The following ELMO1 variants were observed in gnomAD, a reference collection of about 807,000 sequenced individuals.
ELMO1 encodes the protein engulfment and cell motility 1, also known as engulfment and cell motility protein 1.
Under a neutral mutation model 98.9 loss-of-function variants are expected in ELMO1, and 26 were observed. The ratio of observed to expected loss-of-function variants is 0.26; its 90% CI spans 0.19 to 0.36. ELMO1 has a LOEUF of 0.36. Among genes scored for constraint, ELMO1 ranks in the 10% least tolerant of loss-of-function variants. The pLI is 1.00. For synonymous variants in ELMO1, 346 were observed against 346.0 expected (o/e 1.00, Z 0.00); for missense variants, 627 against 935.2 (o/e 0.67, Z 4.30).
At chr7:37,000,867 G>A (rs1792617897) in intron 16 of ELMO1, among the ~76,000 whole-genome samples, 1 of 151,320 alleles carries the variant, frequency 6.6e-6, no homozygotes, top group Non-Finnish European at 1.5e-5. Context: ...CAGGCTTAAG[G>A]GCAATATAAT....
chr7:37,369,077 T>C (rs1420995822), intron 1 of ELMO1, among the ~76,000 whole-genome samples: 1 of 152,182 alleles, frequency 6.6e-6, no homozygotes, highest in Non-Finnish European at 1.5e-5. Flanking sequence ...AATAAACGGA[T>C]AAACATATAA....
At chr7:37,143,355 C>A (rs1393144016) in intron 13 of ELMO1, among the ~76,000 whole-genome samples, 1 of 152,202 alleles carries the variant, frequency 6.6e-6, no homozygotes, top group Non-Finnish European at 1.5e-5. Context: ...AATGCAGGTT[C>A]TCCTCAATCA....
chr7:37,359,007 G>T lies in ELMO1; in HGVS notation c.-73-16244C>A, dbSNP rs759497377. On this transcript the variant is annotated intron_variant, in intron 1 of 21. Transcript: ENST00000310758. ...ACAGGGAGAAGCTGGAGTCATTGAC[G>T]AACCAGGATTATGGCTTCTATAACA... is the stretch of plus-strand genomic sequence containing the variant. Among the ~76,000 whole-genome samples the T allele has an allele frequency of 2.0e-5, 3 of 152,168 alleles. No individual in the cohort carries two copies. The East Asian group carries it at 5.8e-4, about 29-fold the overall frequency.
intron 2 of ELMO1, among the ~76,000 whole-genome samples, chr7:37,324,153 G>A (rs554886911): frequency 1.8e-4 from 27 of 152,256 alleles, no homozygotes; most frequent in South Asian, 6.2e-4. Context: ...CCCTGGCTGC[G>A]CAGCCACCTG....
chr7:37,062,732 T>G (rs1796732491), intron 15 of ELMO1, among the ~76,000 whole-genome samples: 1 of 152,126 alleles, frequency 6.6e-6, no homozygotes, highest in Non-Finnish European at 1.5e-5. Flanking sequence ...CCTGGTAAAT[T>G]AAGTTATGAA....
chr7:37,229,872 T>A (rs1419319302), intron 8 of ELMO1, among the ~76,000 whole-genome samples: 1 of 152,156 alleles, frequency 6.6e-6, no homozygotes, highest in African/African-American at 2.4e-5. Flanking sequence ...CCACCAAGAC[T>A]GTCAGTCTTT....
intron 15 of ELMO1, among the ~76,000 whole-genome samples, chr7:37,072,909 G>C (rs1394855290): frequency 1.3e-5 from 2 of 152,182 alleles, no homozygotes; most frequent in African/African-American, 4.8e-5. Context: ...GAACTCTCAA[G>C]TTGACAAAGA....
intron 13 of ELMO1, among the ~76,000 whole-genome samples, chr7:37,137,094 G>A (rs1056839892): frequency 1.3e-5 from 2 of 152,122 alleles, no homozygotes; most frequent in Admixed American, 1.3e-4. Context: ...CCATGCAAAT[G>A]GACAACAAAA....
chr7:37,216,990 C>A (rs74427787), intron 10 of ELMO1, among the ~76,000 whole-genome samples: 26 of 152,288 alleles, frequency 1.7e-4, no homozygotes, highest in African/African-American at 6.0e-4. Flanking sequence ...ATCAGGCACT[C>A]CAAACAAAGC....
intron 1 of ELMO1, among the ~76,000 whole-genome samples, chr7:37,345,819 C>A (rs1354387245): frequency 6.6e-6 from 1 of 151,868 alleles, no homozygotes; most frequent in East Asian, 1.9e-4. Context: ...GAAACCCCAT[C>A]TCTACTAAAA....
rs73690160 is a variant in ELMO1 at position 37,230,521 on chromosome 7, A to G, written c.549+2574T>C. ...TGACCTCATTCAACCTCGGCAAGCC[A>G]CTGCATCCCTGCCTCCTAACCAGAA... is the stretch of plus-strand genomic sequence containing the variant. On this transcript the variant is annotated intron_variant, in intron 8 of 21. Transcript: ENST00000310758. Among the ~76,000 whole-genome samples, 541 of 152,348 alleles carry G rather than the reference A, an allele frequency of 3.6e-3. 3 individuals are homozygous for G. Among genetic ancestry groups the G allele is most frequent in the African/African-American group, 0.012 (479 of 41,568 alleles).
intron 1 of ELMO1, among the ~76,000 whole-genome samples, chr7:37,347,576 T>A (rs1401139149): frequency 1.3e-5 from 2 of 152,158 alleles, no homozygotes; most frequent in Non-Finnish European, 2.9e-5. Flanking sequence ...GATGGCTTTA[T>A]AAGGGGAACA....
At chr7:37,313,545 A>G (rs1328972890) in intron 4 of ELMO1, among the ~76,000 whole-genome samples, 1 of 152,166 alleles carries the variant, frequency 6.6e-6, no homozygotes, top group Non-Finnish European at 1.5e-5. Context: ...CTTTGTAACA[A>G]TCAATGTTAC....
intron 13 of ELMO1, among the ~76,000 whole-genome samples, chr7:37,170,917 T>G (rs1029343099): frequency 6.6e-6 from 1 of 152,196 alleles, no homozygotes. Flanking sequence ...AACTTTCATT[T>G]TATAAATTTA....
chr7:37,088,745 T>G (rs1279445280), intron 15 of ELMO1, among the ~76,000 whole-genome samples: 2 of 152,228 alleles, frequency 1.3e-5, no homozygotes, highest in Non-Finnish European at 2.9e-5. Flanking sequence ...TAAATCCCAC[T>G]ATTAGTTTTT....
chr7:37,352,274 A>G (rs1398005836), intron 1 of ELMO1, among the ~76,000 whole-genome samples: 7 of 152,054 alleles, frequency 4.6e-5, no homozygotes, highest in Admixed American at 3.9e-4. Flanking sequence ...CCACTATGCC[A>G]TTTTTTTGTT....
At chr7:36,985,108 C>T (rs899296192) in intron 16 of ELMO1, 2 of 985,182 alleles carry the variant, frequency 2.0e-6, no homozygotes, top group African/African-American at 1.7e-5. Flanking sequence ...TTCTACCCAA[C>T]GAAATTGAAA....
At chr7:36,919,293 C>T in intron 16 of ELMO1, 1 of 494,370 alleles carries the variant, frequency 2.0e-6, no homozygotes, top group South Asian at 1.5e-5. Context: ...CAGCATATAG[C>T]ATCGTGTGAG....
intron 15 of ELMO1, among the ~76,000 whole-genome samples, chr7:37,079,504 C>A (rs1797750654): frequency 6.6e-6 from 1 of 152,158 alleles, no homozygotes; most frequent in African/African-American, 2.4e-5. Context: ...ATCAGTGGCC[C>A]ACACTGAGCA....
Sources: allele counts gnomAD v4.1 joint callset (sites outside exome capture counted in the v4.1 genomes callset), GRCh38; gene constraint gnomAD v4.1.1; transcripts MANE v1.5; gene names NCBI Gene and HGNC (gene_info 2026-07-23, HGNC 2026-07-21).